ADGRL3: variants seen among roughly 807,000 people sequenced by gnomAD.
ADGRL3 encodes adhesion G protein-coupled receptor L3, also known as calcium-independent alpha-latrotoxin receptor 3.
A neutral mutation model predicts 153.5 loss-of-function variants in ADGRL3; 62 were observed. That is an observed-to-expected ratio of 0.40 (90% confidence interval 0.33 to 0.50). The LOEUF (loss-of-function observed/expected upper bound fraction) is 0.50. Among genes scored for constraint, ADGRL3 ranks in the 20% least tolerant of loss-of-function variants. ADGRL3 has a pLI of 0.47. For missense variants in ADGRL3, 1,641 were observed against 1,859.4 expected (o/e 0.88, Z 2.16); for synonymous variants, 710 against 672.5 (o/e 1.06, Z -0.86).
rs568946171 is a variant in ADGRL3, at chr4:61,703,712, G to A, written c.583+26777G>A. On this transcript the variant is annotated intron_variant, in intron 6 of 26. Transcript: ENST00000683033. ...GTCTTGCTAGGTAGTGACAGAGGGG[G>A]GCAGATGAAAGAGAAAACTGACTAA... Among the ~76,000 whole-genome samples, 13 of 152,110 alleles carry A rather than the reference G, an allele frequency of 8.5e-5. No homozygotes were observed. In the South Asian group the frequency reaches 2.7e-3, roughly 32 times the overall value.
chr4:61,790,864 A>T (rs2152432203), intron 8 of ADGRL3, among the ~76,000 whole-genome samples: 1 of 152,266 alleles, frequency 6.6e-6, no homozygotes, highest in Non-Finnish European at 1.5e-5. Context: ...AAAGAGAGAG[A>T]GCTTGTGCAG....
chr4:61,359,311 T>G (rs986639969), intron 1 of ADGRL3, among the ~76,000 whole-genome samples: 25 of 152,186 alleles, frequency 1.6e-4, no homozygotes, highest in African/African-American at 6.0e-4. Flanking sequence ...TTGTATCATG[T>G]TACTCCTCTG....
At position 62,044,530 on chromosome 4, in the gene ADGRL3, T is replaced by C. The variant is rs1341157152; in HGVS notation, c.3795T>C (p.Ser1265=). Residue 1265 remains serine (S), a synonymous_variant, in exon 25 of 27, where the codon AGT becomes AGC. Transcript: ENST00000683033. ...ESSFITGDIN[S]SASLNREPYR... ...CCTTTATTACTGGAGACATAAACAG[T>C]TCAGCGTCACTCAACAGAGGTAATT... 4 of 1,590,474 alleles carry C rather than the reference T, an allele frequency of 2.5e-6. No homozygotes were observed. The highest frequency in any genetic ancestry group is 2.3e-5 in the East Asian group (1 of 43,818).
chr4:61,351,749 AAAAAAGAAAAAG>A (rs572531796), intron 1 of ADGRL3, among the ~76,000 whole-genome samples: 4 of 151,970 alleles, frequency 2.6e-5, no homozygotes, highest in Admixed American at 6.5e-5. Context: ...GCTCAGAAAA[AAAAAAGAAAAAG>A]AAAAAGAAAA....
At chr4:61,524,288 G>A (rs1056010006) in intron 4 of ADGRL3, among the ~76,000 whole-genome samples, 7 of 152,042 alleles carry the variant, frequency 4.6e-5, no homozygotes, top group South Asian at 4.1e-4. Context: ...TCAAACTTTC[G>A]TAGACTGCCT....
At chr4:61,222,568 C>G (rs1746134754) in intron 1 of ADGRL3, among the ~76,000 whole-genome samples, 1 of 151,882 alleles carries the variant, frequency 6.6e-6, no homozygotes, top group Admixed American at 6.6e-5. Context: ...ACTAACAAAA[C>G]AAAACAAAAT....
intron 1 of ADGRL3, among the ~76,000 whole-genome samples, chr4:61,293,607 T>G (rs2094304329): frequency 6.6e-6 from 1 of 152,204 alleles, no homozygotes. Context: ...ATGTCACAGC[T>G]GCCTTTGTTA....
intron 4 of ADGRL3, among the ~76,000 whole-genome samples, chr4:61,559,919 T>G (rs889133400): frequency 6.6e-6 from 1 of 152,100 alleles, no homozygotes; most frequent in African/African-American, 2.4e-5. Context: ...CAGAACATAC[T>G]GTTTATTTAT....
intron 1 of ADGRL3, among the ~76,000 whole-genome samples, chr4:61,223,268 G>C (rs1487921262): frequency 6.6e-6 from 1 of 152,172 alleles, no homozygotes; most frequent in Non-Finnish European, 1.5e-5. Context: ...AAAGAAAAGG[G>C]TGAAATGATA....
intron 9 of ADGRL3, among the ~76,000 whole-genome samples, chr4:61,829,469 A>G (rs948281824): frequency 2.0e-5 from 3 of 152,220 alleles, no homozygotes; most frequent in East Asian, 3.9e-4. Flanking sequence ...GTAAAATTCC[A>G]TACTCAATTA....
chr4:61,949,821 G>A (rs1231412994), intron 17 of ADGRL3, among the ~76,000 whole-genome samples: 1 of 151,912 alleles, frequency 6.6e-6, no homozygotes, highest in African/African-American at 2.4e-5. Flanking sequence ...AAAATTATTT[G>A]TCATTAGAAC....
intron 9 of ADGRL3, among the ~76,000 whole-genome samples, chr4:61,875,972 G>A (rs1417562180): frequency 6.6e-6 from 1 of 151,646 alleles, no homozygotes; most frequent in East Asian, 1.9e-4. Context: ...GATCTTTTGA[G>A]TACAACAGTT....
chr4:61,913,201 T>C (rs2098729985), intron 13 of ADGRL3, among the ~76,000 whole-genome samples: 2 of 152,136 alleles, frequency 1.3e-5, no homozygotes, highest in African/African-American at 4.8e-5. Context: ...TGTTTATTGG[T>C]TCAAGGCACG....
At chr4:61,898,155 AC>A (rs1682229052) in intron 11 of ADGRL3, among the ~76,000 whole-genome samples, 1 of 152,094 alleles carries the variant, frequency 6.6e-6, no homozygotes, top group Non-Finnish European at 1.5e-5. Flanking sequence ...ACACTTAGTG[AC>A]TATCATGTAA....
intron 1 of ADGRL3, among the ~76,000 whole-genome samples, chr4:61,314,702 C>T (rs953416206): frequency 2.6e-5 from 4 of 152,184 alleles, no homozygotes; most frequent in African/African-American, 9.7e-5. Context: ...CTTCTGGAGA[C>T]ATTTGGCAAT....
At chr4:61,452,682 A>G (rs868689981) in intron 2 of ADGRL3, among the ~76,000 whole-genome samples, 1 of 152,146 alleles carries the variant, frequency 6.6e-6, no homozygotes, top group South Asian at 2.1e-4. Flanking sequence ...TTTCACTAAC[A>G]TTGTTGGCAT....
chr4:61,565,768 C>A (rs755318894), intron 4 of ADGRL3, among the ~76,000 whole-genome samples: 1 of 151,934 alleles, frequency 6.6e-6, no homozygotes, highest in Non-Finnish European at 1.5e-5. Context: ...GAACTCCTGG[C>A]CTCAGGGGAT....
At chr4:61,986,732 A>C (rs1043180673) in intron 19 of ADGRL3, among the ~76,000 whole-genome samples, 15 of 152,242 alleles carry the variant, frequency 9.9e-5, no homozygotes, top group African/African-American at 3.6e-4. Context: ...TTTCAATTAT[A>C]TCACAGGGGG....
chr4:61,468,410 AC>A (rs1223163731), intron 2 of ADGRL3, among the ~76,000 whole-genome samples: 1 of 152,092 alleles, frequency 6.6e-6, no homozygotes, highest in Non-Finnish European at 1.5e-5. Context: ...CTTTTTTCCA[AC>A]AGATCTGCTT....
Sources: gnomAD v4.1 joint callset for allele counts (sites outside exome capture counted in the v4.1 genomes callset) on GRCh38, gnomAD v4.1.1 for gene constraint, MANE v1.5 for transcripts, NCBI Gene and HGNC (gene_info 2026-07-23, HGNC 2026-07-21) for gene names.